Variants in GRM8 observed in about 807,000 individuals in gnomAD.
The protein encoded by GRM8 is metabotropic glutamate receptor 8.
GRM8 carries 47 observed loss-of-function variants against 87.2 expected under a neutral mutation model. The observed-to-expected ratio is 0.54, with a 90% confidence interval of 0.43 to 0.69. The LOEUF (loss-of-function observed/expected upper bound fraction) is 0.69, where lower values mean the gene tolerates loss of function less well. GRM8 is among the 30% of genes least tolerant of loss of function. The pLI, the probability that GRM8 is intolerant of heterozygous loss-of-function variation, is 0.00. For missense variants in GRM8, 1,019 were observed against 1,139.2 expected, an observed-to-expected ratio of 0.89 and a Z score of 1.52; for synonymous variants, 396 against 404.5, an observed-to-expected ratio of 0.98 and a Z score of 0.25.
At chr7:126,636,689 T>C (rs1383804904) in intron 7 of GRM8, among the ~76,000 whole-genome samples, 2 of 151,922 alleles carry the variant, frequency 1.3e-5, no homozygotes, top group East Asian at 1.9e-4. Flanking sequence ...ATCTGAAAGC[T>C]TGTAGGAATT....
chr7:127,081,410 A>T (rs1822852739), intron 3 of GRM8, among the ~76,000 whole-genome samples: 1 of 152,168 alleles, frequency 6.6e-6, no homozygotes, highest in South Asian at 2.1e-4. Context: ...CATCACCCCT[A>T]CCCAGAGAGA....
intron 3 of GRM8, among the ~76,000 whole-genome samples, chr7:126,943,123 C>T (rs1006437036): frequency 3.9e-5 from 6 of 152,136 alleles, no homozygotes; most frequent in African/African-American, 1.2e-4. Context: ...TTTATCAGAT[C>T]GGCAGGTGTA....
chr7:127,067,626 T>A (rs1348596706), intron 3 of GRM8, among the ~76,000 whole-genome samples: 1 of 152,244 alleles, frequency 6.6e-6, no homozygotes, highest in African/African-American at 2.4e-5. Context: ...AATCTGCTCT[T>A]GAGAGTTCCT....
At chr7:126,808,099 A>G (rs1005152164) in intron 6 of GRM8, among the ~76,000 whole-genome samples, 1 of 152,224 alleles carries the variant, frequency 6.6e-6, no homozygotes, top group Admixed American at 6.5e-5. Flanking sequence ...ATGACACTAT[A>G]GGATATTTGT....
At chr7:126,589,273 G>A (rs529373315) in intron 8 of GRM8, among the ~76,000 whole-genome samples, 2 of 152,226 alleles carry the variant, frequency 1.3e-5, no homozygotes, top group African/African-American at 4.8e-5. Context: ...CAAACTCAGT[G>A]CTATTGCGGG....
chr7:126,485,142 A>G (rs1807203181), intron 9 of GRM8, among the ~76,000 whole-genome samples: 1 of 152,102 alleles, frequency 6.6e-6, no homozygotes, highest in African/African-American at 2.4e-5. Context: ...AAATGCAATA[A>G]GCATTTTTAA....
intron 6 of GRM8, among the ~76,000 whole-genome samples, chr7:126,776,299 G>T (rs1362004): frequency 0.45 from 68,723 of 151,882 alleles, 15,964 homozygotes; most frequent in African/African-American, 0.49. Flanking sequence ...ATGTTTTAGA[G>T]GCCAAATTGA....
At chr7:126,593,365 C>T (rs12533463) in intron 8 of GRM8, among the ~76,000 whole-genome samples, 46,934 of 151,854 alleles carry the variant, frequency 0.31, 8,136 homozygotes, top group East Asian at 0.44. Context: ...TACAACAAAG[C>T]TATAGTTACT....
At chr7:126,847,766 G>C (rs1377542764) in intron 6 of GRM8, among the ~76,000 whole-genome samples, 1 of 152,170 alleles carries the variant, frequency 6.6e-6, no homozygotes, top group Non-Finnish European at 1.5e-5. Context: ...TTGATCACAA[G>C]CCTTCCCAGA....
chr7:127,048,275 C>A (rs866621042), intron 3 of GRM8, among the ~76,000 whole-genome samples: 35 of 152,262 alleles, frequency 2.3e-4, no homozygotes, highest in Middle Eastern at 3.4e-3. Flanking sequence ...ATGGCAGGAG[C>A]ATTCCTGGTG....
intron 3 of GRM8, among the ~76,000 whole-genome samples, chr7:126,925,947 C>T (rs1805061476): frequency 6.6e-6 from 1 of 152,028 alleles, no homozygotes; most frequent in African/African-American, 2.4e-5. Flanking sequence ...TTTCTGTATC[C>T]TTGATATAAA....
intron 2 of GRM8, among the ~76,000 whole-genome samples, chr7:127,190,743 G>A (rs114802283): frequency 0.013 from 1,954 of 152,224 alleles, 42 homozygotes; most frequent in African/African-American, 0.04. Context: ...AGATTCTGAA[G>A]TAACCAAACT....
intron 6 of GRM8, among the ~76,000 whole-genome samples, chr7:126,836,195 T>C (rs1795817648): frequency 6.6e-6 from 1 of 152,086 alleles, no homozygotes; most frequent in South Asian, 2.1e-4. Flanking sequence ...AATTAAGTCC[T>C]CTCGAAGGTT....
intron 2 of GRM8, among the ~76,000 whole-genome samples, chr7:127,142,070 C>T (rs991639387): frequency 6.6e-6 from 1 of 152,016 alleles, no homozygotes; most frequent in Non-Finnish European, 1.5e-5. Context: ...ACAACCTGGA[C>T]TTCCCAGGCT....
intron 3 of GRM8, among the ~76,000 whole-genome samples, chr7:127,070,975 C>T (rs1215205412): frequency 1.3e-5 from 2 of 152,170 alleles, no homozygotes; most frequent in Non-Finnish European, 2.9e-5. Context: ...TTTCTAACAG[C>T]ATTAAATAAT....
At chr7:127,166,774 G>C (rs150493419) in intron 2 of GRM8, among the ~76,000 whole-genome samples, 50 of 152,156 alleles carry the variant, frequency 3.3e-4, no homozygotes, top group African/African-American at 1.2e-3. Context: ...CATCCTTATG[G>C]AGTCCTCTTA....
intron 7 of GRM8, among the ~76,000 whole-genome samples, chr7:126,727,270 GAACATACTTTTT>G (rs1813096759): frequency 6.6e-6 from 1 of 151,808 alleles, no homozygotes; most frequent in Non-Finnish European, 1.5e-5. Flanking sequence ...AGTGCATTAA[GAACATACTTTTT>G]AAAAAATGCT....
chr7:127,174,762 T>C (rs1794000734), intron 2 of GRM8, among the ~76,000 whole-genome samples: 1 of 152,196 alleles, frequency 6.6e-6, no homozygotes, highest in African/African-American at 2.4e-5. Flanking sequence ...TATAAAAAGC[T>C]GTTTCAAAGT....
chr7:127,149,036 T>C (rs1194575969), intron 2 of GRM8, among the ~76,000 whole-genome samples: 2 of 151,752 alleles, frequency 1.3e-5, no homozygotes, highest in African/African-American at 4.8e-5. Context: ...TTTTTGGATA[T>C]CACATGAAAA....
Sources: allele counts gnomAD v4.1 joint callset (sites outside exome capture counted in the v4.1 genomes callset), GRCh38; gene constraint gnomAD v4.1.1; transcripts MANE v1.5; gene names NCBI Gene and HGNC (gene_info 2026-07-23, HGNC 2026-07-21).